Variants in CHN2 observed in about 807,000 individuals in gnomAD.
CHN2 encodes the protein beta-chimaerin.
In CHN2, 35 loss-of-function variants were observed where a neutral mutation model predicts 56.3. The ratio of observed to expected loss-of-function variants is 0.62; its 90% CI spans 0.47 to 0.82. The LOEUF is 0.82. CHN2 is among the 40% of genes least tolerant of loss of function. The pLI, the probability that CHN2 is intolerant of heterozygous loss-of-function variation, is 0.00. For synonymous variants in CHN2, 210 were observed against 212.8 expected (o/e 0.99, Z 0.12); for missense variants, 491 against 580.5 (o/e 0.85, Z 1.58).
At chr7:29,452,344 G>A (rs1414302903) in intron 6 of CHN2, among the ~76,000 whole-genome samples, 3 of 152,140 alleles carry the variant, frequency 2.0e-5, no homozygotes, top group African/African-American at 4.8e-5. Flanking sequence ...GGTCTAGAGC[G>A]CAAAAGTTAA....
chr7:29,247,561 G>T (rs896701996), intron 1 of CHN2, among the ~76,000 whole-genome samples: 2 of 152,208 alleles, frequency 1.3e-5, no homozygotes, highest in African/African-American at 4.8e-5. Context: ...TGTCTGTGCA[G>T]TGGCTAAGAA....
Position 29,284,546 on chromosome 7 carries a change from G to C in CHN2, c.50-70079G>C, listed in dbSNP as rs1398487344. ...GGCCAGAACCTGAGAATAGGCTTAAGGTTGCTCAGAGTGGTCCCTGGCCAA... is the reference window on the plus strand; with the variant it reads ...GGCCAGAACCTGAGAATAGGCTTAACGTTGCTCAGAGTGGTCCCTGGCCAA... On this transcript the variant is annotated intron_variant, in intron 1 of 12. Transcript: ENST00000222792. 4.6e-5 allele frequency among the ~76,000 whole-genome samples: 7 copies of C among 152,230 alleles called. 1 individual carries two copies. The highest frequency in any genetic ancestry group is 3.3e-4 in the Admixed American group (5 of 15,290).
chr7:29,272,731 T>C (rs898151478), intron 1 of CHN2, among the ~76,000 whole-genome samples: 2 of 152,190 alleles, frequency 1.3e-5, no homozygotes, highest in African/African-American at 4.8e-5. Flanking sequence ...CTCAGAAATT[T>C]AAAAAATGAT....
At chr7:29,326,284 A>C (rs1442785591) in intron 1 of CHN2, among the ~76,000 whole-genome samples, 1 of 152,090 alleles carries the variant, frequency 6.6e-6, no homozygotes, top group Non-Finnish European at 1.5e-5. Flanking sequence ...CAGCCTCCCG[A>C]GTAGCTGGGA....
upstream of CHN2, among the ~76,000 whole-genome samples, chr7:29,190,310 A>G (rs930115640): frequency 6.6e-6 from 1 of 152,186 alleles, no homozygotes; most frequent in Non-Finnish European, 1.5e-5. Context: ...TAGCCCTGCT[A>G]TTCTCCTGTG....
At chr7:29,174,930 TAAAC>T (rs1036136174) in intron 2 of CHN2, among the ~76,000 whole-genome samples, 25 of 149,238 alleles carry the variant, frequency 1.7e-4, no homozygotes, top group Non-Finnish European at 2.7e-4. Context: ...AGACACAAAA[TAAAC>T]AAAATTCTAT....
chr7:29,388,248 A>T (rs1056191764), intron 3 of CHN2, among the ~76,000 whole-genome samples: 1 of 152,242 alleles, frequency 6.6e-6, no homozygotes, highest in Non-Finnish European at 1.5e-5. Context: ...TAGGTGAATG[A>T]TGAAGACAAA....
intron 6 of CHN2, among the ~76,000 whole-genome samples, chr7:29,433,871 G>A (rs1196887813): frequency 1.3e-5 from 2 of 149,376 alleles, no homozygotes; most frequent in Non-Finnish European, 3.0e-5. Flanking sequence ...GGGAGAGGGG[G>A]AGGAAGGGAG....
chr7:29,232,997 T>G (rs1786844061), intron 1 of CHN2, among the ~76,000 whole-genome samples: 1 of 152,206 alleles, frequency 6.6e-6, no homozygotes, highest in Non-Finnish European at 1.5e-5. Context: ...TTTACATTAT[T>G]TCAACGATTT....
intron 1 of CHN2, among the ~76,000 whole-genome samples, chr7:29,240,223 C>A (rs1358518455): frequency 2.0e-5 from 3 of 152,192 alleles, no homozygotes; most frequent in Admixed American, 2.0e-4. Context: ...CTGAGCCTGG[C>A]CCCCAAGGAC....
At chr7:29,244,501 C>G (rs1195038847) in intron 1 of CHN2, among the ~76,000 whole-genome samples, 10 of 152,198 alleles carry the variant, frequency 6.6e-5, no homozygotes, top group Admixed American at 6.5e-4. Flanking sequence ...GGGGCAGCGC[C>G]GACTATCGGC....
At chr7:29,291,925 C>T (rs537292459) in intron 1 of CHN2, among the ~76,000 whole-genome samples, 2 of 152,044 alleles carry the variant, frequency 1.3e-5, no homozygotes, top group South Asian at 4.2e-4. Context: ...CCTTTACTCT[C>T]GGAAGTTTTG....
At chr7:29,367,232 A>G (rs778967477) in intron 2 of CHN2, among the ~76,000 whole-genome samples, 16 of 152,174 alleles carry the variant, frequency 1.1e-4, no homozygotes, top group Admixed American at 2.6e-4. Context: ...AGATTGCTTT[A>G]TATACAATGA....
At chr7:29,327,211 G>A (rs138996118) in intron 1 of CHN2, among the ~76,000 whole-genome samples, 70 of 152,246 alleles carry the variant, frequency 4.6e-4, no homozygotes, top group African/African-American at 1.6e-3. Context: ...GTAGAAGGTC[G>A]GTTTCACAGA....
At chr7:29,304,874 T>A (rs1396056500) in intron 1 of CHN2, among the ~76,000 whole-genome samples, 1 of 152,222 alleles carries the variant, frequency 6.6e-6, no homozygotes, top group Admixed American at 6.5e-5. Flanking sequence ...GACTGGGACC[T>A]GACTCACTCT....
At chr7:29,386,605 G>A (rs1028341609) in intron 3 of CHN2, among the ~76,000 whole-genome samples, 1 of 152,170 alleles carries the variant, frequency 6.6e-6, no homozygotes, top group Admixed American at 6.5e-5. Context: ...TGACTATAAA[G>A]CAAACTCATT....
chr7:29,387,098 A>T (rs766131952), intron 3 of CHN2, among the ~76,000 whole-genome samples: 1 of 152,102 alleles, frequency 6.6e-6, no homozygotes, highest in African/African-American at 2.4e-5. Flanking sequence ...AACAGCACTC[A>T]CTTACCTTGG....
At chr7:29,252,745 G>A (rs1478799059) in intron 1 of CHN2, among the ~76,000 whole-genome samples, 1 of 128,408 alleles carries the variant, frequency 7.8e-6, no homozygotes, top group Non-Finnish European at 1.5e-5. Context: ...ACAGGCGCCC[G>A]CCACCGCGCC....
At chr7:29,364,800 A>G (rs1374247184) in intron 2 of CHN2, among the ~76,000 whole-genome samples, 2 of 152,222 alleles carry the variant, frequency 1.3e-5, no homozygotes, top group African/African-American at 2.4e-5. Flanking sequence ...TCAAAACAAC[A>G]TAAAGTATAC....
Sources: gnomAD v4.1 joint callset for allele counts (sites outside exome capture counted in the v4.1 genomes callset) on GRCh38, gnomAD v4.1.1 for gene constraint, MANE v1.5 for transcripts, NCBI Gene and HGNC (gene_info 2026-07-23, HGNC 2026-07-21) for gene names.